UBXN6: variants seen among roughly 807,000 people sequenced by gnomAD.
The protein encoded by UBXN6 is UBX domain protein 6.
Under a neutral mutation model 51.4 loss-of-function variants are expected in UBXN6, and 44 were observed. That is an observed-to-expected ratio of 0.86 (90% CI 0.67 to 1.10). UBXN6 has a LOEUF of 1.10. Ranked by LOEUF, UBXN6 falls within the 50% of genes least tolerant of loss-of-function variation. UBXN6 has a pLI of 0.00. For missense variants in UBXN6, 672 were observed against 596.1 expected, an observed-to-expected ratio of 1.13 and a Z score of -1.32; for synonymous variants, 316 against 263.2, an observed-to-expected ratio of 1.20 and a Z score of -1.94.
chr19:4,446,588 G>A lies in UBXN6; in HGVS notation c.832C>T (p.Gln278Ter). The change falls in exon 8 of 11, where the codon CAG becomes TAG. Residue 278 changes from glutamine to a stop codon, truncating the protein, a stop_gained. Transcript: ENST00000301281. LOFTEE classifies it high-confidence loss of function. ...AKLDRQRRVF[Q>*]PSPLASQFEL... ...AACTGCGAGGCCAGGGGCGAGGGCTGGAAGACGCGGCGCTGCCTGTCCAGC... is the reference window on the plus strand; with the variant it reads ...AACTGCGAGGCCAGGGGCGAGGGCTAGAAGACGCGGCGCTGCCTGTCCAGC... 6.2e-7 allele frequency: 1 copy of A among 1,612,658 alleles called. No individual in the cohort carries two copies. Among genetic ancestry groups the A allele is most frequent in the Non-Finnish European group, 8.5e-7 (1 of 1,179,916 alleles).
chr19:4,448,134 A>C (rs566745512), intron 5 of UBXN6, 184 bp downstream of exon 5: 1 of 610,500 alleles, frequency 1.6e-6, no homozygotes, highest in African/African-American at 1.8e-5. Flanking sequence ...GGGTAAACTG[A>C]GGCCCAAGGA....
Position 4,446,338 on chromosome 19 carries a change from G to GCGCAGCCCCCGCTGCTCCTCCTTCTCC in UBXN6, c.969_995dup (p.Glu324_Arg332dup), listed in dbSNP as rs1974518664. ...CGCGCAGCAGCGTGTAGTTGTACTT[G>GCGCAGCCCCCGCTGCTCCTCCTTCTCC]CGCAGCCCCCGCTGCTCCTCCTTCT... On this transcript the variant is annotated inframe_insertion, in exon 9 of 11. Coordinates refer to ENST00000301281, the MANE Select transcript of UBXN6 (RefSeq NM_025241.3). 6.4e-7 allele frequency: 1 copy of GCGCAGCCCCCGCTGCTCCTCCTTCTCC among 1,571,220 alleles called. No individual in the cohort carries two copies. Among genetic ancestry groups the GCGCAGCCCCCGCTGCTCCTCCTTCTCC allele is most frequent in the Non-Finnish European group, 8.6e-7 (1 of 1,164,742 alleles).
chr19:4,447,773 C>A, intron 5 of UBXN6, 148 bp from the exon 6 acceptor site: 1 of 758,762 alleles, frequency 1.3e-6, no homozygotes, highest in South Asian at 1.5e-5. Flanking sequence ...GGCAGCAGAC[C>A]ATCTCCGGGT....
intron 1 of UBXN6, 78 bp from the exon 2 acceptor site, chr19:4,454,171 C>T: frequency 7.1e-7 from 1 of 1,408,150 alleles, no homozygotes; most frequent in Non-Finnish European, 9.4e-7. Context: ...CACAGAGGAG[C>T]TTCTGCCCCT....
At chr19:4,453,066 A>T (rs1974681141) in intron 3 of UBXN6, among the ~76,000 whole-genome samples, 1 of 152,180 alleles carries the variant, frequency 6.6e-6, no homozygotes, top group African/African-American at 2.4e-5. Context: ...GTGCTAGGGG[A>T]CAGGCTCTGA....
At chr19:4,456,961 G>C (rs1433630742) in intron 1 of UBXN6, among the ~76,000 whole-genome samples, 2 of 151,806 alleles carry the variant, frequency 1.3e-5, no homozygotes, top group Non-Finnish European at 2.9e-5. Context: ...TGCCCACCCC[G>C]GCCTCCCTGG....
intron 4 of UBXN6, 183 bp from the exon 5 acceptor site, chr19:4,448,598 G>T (rs1173468805): frequency 1.3e-5 from 8 of 608,064 alleles, no homozygotes; most frequent in Non-Finnish European, 2.3e-5. Context: ...CCACGCCCCA[G>T]GGCAGAGGCG....
At position 4,445,530 on chromosome 19, in the gene UBXN6, C is replaced by G. The variant is rs138129036; in HGVS notation, c.1294G>C (p.Glu432Gln). The G allele has an allele frequency of 1.0e-4, 169 of 1,613,818 alleles. No individual in the cohort carries two copies. Among genetic ancestry groups the G allele is most frequent in the Non-Finnish European group, 8.1e-5 (96 of 1,180,012 alleles). Residue 432 changes from glutamate to glutamine, a missense_variant, in exon 11 of 11, where the codon GAG becomes CAG. Coordinates refer to ENST00000301281, the MANE Select transcript of UBXN6 (RefSeq NM_025241.3). ...AGCTTCTCGATGGCTGACAGGAGCT[C>G]GGGTTTCAGGATGGAGTCCGGCTCG... ...GAEPDSILKP[E>Q]LLSAIEKLL
At chr19:4,455,075 C>T (rs1399874342) in intron 1 of UBXN6, 1 of 335,678 alleles carries the variant, frequency 3.0e-6, no homozygotes. Flanking sequence ...TGGCTCCACC[C>T]TGTTGAGCCC....
At chr19:4,447,465 C>T (rs1599674819) in intron 6 of UBXN6, 85 bp downstream of exon 6, 22 of 1,472,600 alleles carry the variant, frequency 1.5e-5, no homozygotes, top group South Asian at 4.6e-5. Flanking sequence ...GGGAGCCCAC[C>T]GCCTGGTGTG....
intron 4 of UBXN6, among the ~76,000 whole-genome samples, chr19:4,451,586 A>G (rs913871118): frequency 3.9e-5 from 6 of 152,060 alleles, no homozygotes; most frequent in African/African-American, 1.4e-4. Flanking sequence ...AGTTTCTGAG[A>G]ACCTATTGAT....
Position 4,446,090 on chromosome 19 carries a change from G to C in UBXN6, c.1159C>G (p.Leu387Val). ...AAGGCCAGGTTCTCGTCCTCGGACA[G>C]CTTCTGCCCTCCCGAGGCCAGCAGC... The part of the protein sequence containing the change: ...FELLASGGQK[L>V]SEDENLALNE... The change falls in exon 10 of 11, where the codon CTG becomes GTG. Residue 387 changes from leucine (L) to valine (V), a missense_variant. Leu to Val is a conservative substitution (Grantham distance 32). Transcript: ENST00000301281. 6.2e-7 allele frequency: 1 copy of C among 1,612,766 alleles called. No individual in the cohort carries two copies. Among genetic ancestry groups the C allele is most frequent in the Middle Eastern group, 1.7e-4 (1 of 6,060 alleles).
rs764696826 is a variant in UBXN6 at position 4,452,396 on chromosome 19, G to C, written c.409C>G (p.Arg137Gly). ...ATGGCCTCCTTGATGCAGGCGTCCC[G>C]CTGGTCCTTCCTCAGGGTGGCCCCA... is the stretch of plus-strand genomic sequence containing the variant. ...LTGATLRKDQ[R>G]DACIKEAILL... The change falls in exon 4 of 11, where the codon CGG becomes GGG. Residue 137 changes from arginine (R) to glycine (G), a missense_variant. By Grantham distance (125) the Arg-to-Gly change is moderately radical. Coordinates refer to ENST00000301281, the MANE Select transcript of UBXN6 (RefSeq NM_025241.3). 1.4e-5 allele frequency: 23 copies of C among 1,613,296 alleles called. No homozygotes were observed. The highest frequency in any genetic ancestry group is 1.9e-5 in the Non-Finnish European group (23 of 1,179,924).
At position 4,446,172 on chromosome 19, in the gene UBXN6, C is replaced by T. The variant is rs754423009; in HGVS notation, c.1077G>A (p.Leu359=). ...CCCGGACGAACCCGTACACCGCCCC[C>T]AGCCGCTCCCGAGCGTAGAAAGTGC... ...LQGTFYARER[L]GAVYGFVREA... The change falls in exon 10 of 11, where the codon CTG becomes CTA. Residue 359 remains leucine (L), a synonymous_variant. Coordinates refer to ENST00000301281, the MANE Select transcript of UBXN6 (RefSeq NM_025241.3). 1.9e-6 allele frequency: 3 copies of T among 1,608,974 alleles called. No homozygotes were observed. In the South Asian group the frequency reaches 3.3e-5, roughly 18 times the overall value.
intron 2 of UBXN6, 25 bp downstream of exon 2, chr19:4,453,904 TG>T: frequency 6.2e-7 from 1 of 1,602,458 alleles, no homozygotes. Flanking sequence ...AGCCCCAACC[TG>T]GGCCCGAGGA....
At chr19:4,455,224 C>T in intron 1 of UBXN6, 1 of 985,528 alleles carries the variant, frequency 1.0e-6, no homozygotes. Flanking sequence ...AACTTACGGG[C>T]TGTGTCAATT....
chr19:4,445,813 C>T, intron 10 of UBXN6, 190 bp from the exon 11 acceptor site: 1 of 1,082,434 alleles, frequency 9.2e-7, no homozygotes, highest in East Asian at 2.6e-5. Context: ...AAACCTACTG[C>T]ACTAGCTAAC....
In UBXN6 at chr19:4,452,459, G is replaced by A. The variant is rs1568192401; in HGVS notation, c.346C>T (p.Leu116=). 1 of 1,611,954 alleles carries A rather than the reference G, an allele frequency of 6.2e-7. No homozygotes were observed. The highest frequency in any genetic ancestry group is 8.5e-7 in the Non-Finnish European group (1 of 1,179,862). The change falls in exon 4 of 11, where the codon CTG becomes TTG. Residue 116 remains leucine (L), a synonymous_variant. Coordinates refer to ENST00000301281, the MANE Select transcript of UBXN6 (RefSeq NM_025241.3). ...GTGAAGTACACGCCAGGCACAGCCAGGTGGGCAGAGCCTTCCTCTCTGGGC... is the reference window on the plus strand; with the variant it reads ...GTGAAGTACACGCCAGGCACAGCCAAGTGGGCAGAGCCTTCCTCTCTGGGC... ...SEPREEGSAH[L]AVPGVYFTCP...
At chr19:4,457,198 G>A (rs761826290) in intron 1 of UBXN6, among the ~76,000 whole-genome samples, 8 of 151,690 alleles carry the variant, frequency 5.3e-5, no homozygotes, top group Non-Finnish European at 1.2e-4. Context: ...CTCACCACCC[G>A]GCTCAGGACT....
Sources: allele counts gnomAD v4.1 joint callset (sites outside exome capture counted in the v4.1 genomes callset), GRCh38; gene constraint gnomAD v4.1.1; transcripts MANE v1.5; gene names NCBI Gene and HGNC (gene_info 2026-07-23, HGNC 2026-07-21).